The following CDH19 variants were observed in gnomAD, a reference collection of about 807,000 sequenced individuals.
CDH19 encodes cadherin-19.
Under a neutral mutation model 64.2 loss-of-function variants are expected in CDH19, and 67 were observed. That is an observed-to-expected ratio of 1.04 (90% CI 0.86 to 1.28). The LOEUF (loss-of-function observed/expected upper bound fraction) is 1.28. CDH19 is among the 50% of genes most tolerant of loss of function. The pLI is 0.00. For missense variants in CDH19, 1,030 were observed against 929.0 expected (o/e 1.11, Z -1.41); for synonymous variants, 346 against 319.3 (o/e 1.08, Z -0.89).
chr18:66,511,950 T>C (rs979983399), intron 9 of CDH19, among the ~76,000 whole-genome samples: 1 of 151,604 alleles, frequency 6.6e-6, no homozygotes, highest in African/African-American at 2.4e-5. Context: ...AAGCTGTTTG[T>C]TGAAAGTCTC....
chr18:66,555,695 G>T (rs1000105673), intron 3 of CDH19, among the ~76,000 whole-genome samples: 1 of 151,562 alleles, frequency 6.6e-6, no homozygotes, highest in African/African-American at 2.4e-5. Flanking sequence ...ACTAGTTTCA[G>T]ATGTTTTAAA....
chr18:66,534,959 T>C (rs1364510223), intron 8 of CDH19, 27 bp downstream of exon 8: 3 of 1,407,588 alleles, frequency 2.1e-6, no homozygotes, highest in Non-Finnish European at 2.8e-6. Context: ...GGCAAACAAC[T>C]GTATTGGATT....
intron 9 of CDH19, among the ~76,000 whole-genome samples, chr18:66,516,785 A>C (rs1361518068): frequency 6.6e-6 from 1 of 152,056 alleles, no homozygotes; most frequent in Non-Finnish European, 1.5e-5. Flanking sequence ...AGAAGAGAAG[A>C]TAGGTCCCTT....
intron 3 of CDH19, among the ~76,000 whole-genome samples, chr18:66,559,796 C>A (rs1266012282): frequency 6.6e-6 from 1 of 151,208 alleles, no homozygotes; most frequent in African/African-American, 2.4e-5. Flanking sequence ...ACTGTAACCT[C>A]TGCAAAACAA....
At chr18:66,572,759 C>G (rs1988145326) in intron 1 of CDH19, among the ~76,000 whole-genome samples, 1 of 151,606 alleles carries the variant, frequency 6.6e-6, no homozygotes, top group Non-Finnish European at 1.5e-5. Flanking sequence ...TCCAATTTCC[C>G]AAATTATGGT....
At position 66,552,748 on chromosome 18, in the gene CDH19, T is replaced by C. The variant is rs1987389846; in HGVS notation, c.611-1490A>G. On this transcript the variant is annotated intron_variant, in intron 4 of 11. Transcript: ENST00000262150. ...AACGCTTCTCCAGCAATGCAAGTAA[T>C]AGTTTAGCTAACCTGCTCAGTATAG... Among the ~76,000 whole-genome samples, 2 of 134,522 alleles carry C rather than the reference T, an allele frequency of 1.5e-5. 1 individual carries two copies. Among genetic ancestry groups the C allele is most frequent in the Non-Finnish European group, 3.0e-5 (2 of 65,774 alleles). The allele number at this position is 134,522 out of a possible 152,430, so 88.3% of individuals were successfully genotyped here.
intron 1 of CDH19, among the ~76,000 whole-genome samples, chr18:66,595,098 A>G (rs1988849940): frequency 6.6e-6 from 1 of 151,954 alleles, no homozygotes; most frequent in South Asian, 2.1e-4. Flanking sequence ...AACGACCTTC[A>G]GGTCAACAAT....
At chr18:66,547,593 A>T (rs1262916922) in intron 5 of CDH19, among the ~76,000 whole-genome samples, 1 of 151,778 alleles carries the variant, frequency 6.6e-6, no homozygotes, top group Admixed American at 6.6e-5. Flanking sequence ...GAGATGGGAA[A>T]ATCTGTTGGA....
chr18:66,545,446 T>C (rs1987077430), intron 5 of CDH19, among the ~76,000 whole-genome samples: 1 of 151,652 alleles, frequency 6.6e-6, no homozygotes, highest in African/African-American at 2.4e-5. Context: ...TGCCCCCATA[T>C]ATAGTCTCTT....
intron 1 of CDH19, among the ~76,000 whole-genome samples, chr18:66,582,807 G>A (rs533375642): frequency 3.3e-5 from 5 of 152,088 alleles, no homozygotes; most frequent in Admixed American, 2.6e-4. Flanking sequence ...TCATTTTTGG[G>A]CTGGATATCA....
chr18:66,535,196 TTCAATGCA>T, intron 7 of CDH19, 89 bp from the exon 8 acceptor site: 3 of 693,350 alleles, frequency 4.3e-6, no homozygotes, highest in Non-Finnish European at 6.5e-6. Flanking sequence ...AGACATCTTA[TTCAATGCA>T]TGCTCTACAT....
chr18:66,544,330 T>C (rs1018511119), intron 6 of CDH19, 106 bp from the exon 7 acceptor site: 1 of 1,046,842 alleles, frequency 9.6e-7, no homozygotes. Context: ...GCCTTTCAGT[T>C]AGATTTTTCT....
intron 9 of CDH19, among the ~76,000 whole-genome samples, chr18:66,519,064 T>G (rs1282407330): frequency 6.6e-6 from 1 of 152,160 alleles, no homozygotes; most frequent in African/African-American, 2.4e-5. Context: ...ATAGTGGAGT[T>G]CTTAACTTTT....
chr18:66,567,474 T>C (rs1025297553), intron 3 of CDH19, among the ~76,000 whole-genome samples: 5 of 151,804 alleles, frequency 3.3e-5, no homozygotes, highest in Admixed American at 6.6e-5. Context: ...TTGATATATA[T>C]TACACAGGCA....
At chr18:66,555,860 T>C (rs1987499340) in intron 3 of CDH19, among the ~76,000 whole-genome samples, 1 of 151,854 alleles carries the variant, frequency 6.6e-6, no homozygotes, top group African/African-American at 2.4e-5. Context: ...ATTATAATTC[T>C]CTATCATTTC....
chr18:66,515,366 A>G (rs1416401352), intron 9 of CDH19, among the ~76,000 whole-genome samples: 1 of 151,768 alleles, frequency 6.6e-6, no homozygotes, highest in Non-Finnish European at 1.5e-5. Flanking sequence ...TTTTGACAAA[A>G]TAAATCTATA....
At chr18:66,561,879 A>G (rs1352072986) in intron 3 of CDH19, among the ~76,000 whole-genome samples, 1 of 152,124 alleles carries the variant, frequency 6.6e-6, no homozygotes, top group East Asian at 1.9e-4. Flanking sequence ...CATTGTTTGC[A>G]TTACTCTGGA....
chr18:66,510,573 A>G (rs1222251949), intron 10 of CDH19, among the ~76,000 whole-genome samples: 1 of 129,700 alleles, frequency 7.7e-6, no homozygotes, highest in Non-Finnish European at 1.6e-5. Flanking sequence ...ATAACGTTGA[A>G]GTCTGCAACA....
chr18:66,577,758 T>C (rs1988308593), intron 1 of CDH19, among the ~76,000 whole-genome samples: 1 of 151,952 alleles, frequency 6.6e-6, no homozygotes, highest in African/African-American at 2.4e-5. Flanking sequence ...ATTTATTGTC[T>C]TACAGTTCTA....
Sources: gnomAD v4.1 joint callset for allele counts (sites outside exome capture counted in the v4.1 genomes callset) on GRCh38, gnomAD v4.1.1 for gene constraint, MANE v1.5 for transcripts, NCBI Gene and HGNC (gene_info 2026-07-23, HGNC 2026-07-21) for gene names.